Variants in POU6F2 observed in about 807,000 individuals in gnomAD.
POU6F2 encodes POU class 6 homeobox 2.
Under a neutral mutation model 71.3 loss-of-function variants are expected in POU6F2, and 31 were observed. The ratio of observed to expected loss-of-function variants is 0.43; its 90% CI spans 0.33 to 0.59. The LOEUF is 0.59. Ranked by LOEUF, POU6F2 falls within the 20% of genes least tolerant of loss-of-function variation. The pLI is 0.04. For missense variants in POU6F2, 783 were observed against 856.8 expected, an observed-to-expected ratio of 0.91 and a Z score of 1.07; for synonymous variants, 347 against 355.7, an observed-to-expected ratio of 0.98 and a Z score of 0.27.
intron 4 of POU6F2, among the ~76,000 whole-genome samples, chr7:39,321,603 A>G (rs540993067): frequency 1.3e-3 from 197 of 152,306 alleles, no homozygotes; most frequent in African/African-American, 4.0e-3. Flanking sequence ...AAATATTGAC[A>G]TATCACCTTG....
At chr7:39,311,757 T>C (rs73118076) in intron 4 of POU6F2, among the ~76,000 whole-genome samples, 19,053 of 151,976 alleles carry the variant, frequency 0.13, 1,283 homozygotes, top group South Asian at 0.2. Flanking sequence ...AAATGACAAG[T>C]TGTAAAATAA....
At chr7:38,993,952 T>C (rs1562658504) in intron 1 of POU6F2, among the ~76,000 whole-genome samples, 2 of 152,150 alleles carry the variant, frequency 1.3e-5, no homozygotes, top group Non-Finnish European at 2.9e-5. Context: ...TTATCTCTCC[T>C]AGAAGTGATT....
intron 1 of POU6F2, among the ~76,000 whole-genome samples, chr7:39,052,253 A>G (rs1452448383): frequency 1.3e-5 from 2 of 152,168 alleles, no homozygotes; most frequent in Non-Finnish European, 2.9e-5. Context: ...AAATATGAGA[A>G]AAACTTGGGC....
chr7:39,206,853 T>A (rs1016927276), intron 3 of POU6F2, among the ~76,000 whole-genome samples: 3 of 152,252 alleles, frequency 2.0e-5, no homozygotes, highest in African/African-American at 7.2e-5. Context: ...CTCTTGATAA[T>A]CTATTTCTAA....
chr7:38,985,028 T>C (rs1464692329), intron 1 of POU6F2: 4 of 151,966 alleles, frequency 2.6e-5, no homozygotes, highest in Non-Finnish European at 4.4e-5. Flanking sequence ...GAGTAAAAGG[T>C]AAATATTGTA....
At chr7:39,404,179 G>C (rs772557689) in intron 5 of POU6F2, among the ~76,000 whole-genome samples, 9 of 152,208 alleles carry the variant, frequency 5.9e-5, no homozygotes, top group Non-Finnish European at 1.0e-4. Context: ...ATCCAAAGCA[G>C]TTGAAATATA....
At chr7:39,127,000 A>G (rs969766339) in intron 2 of POU6F2, among the ~76,000 whole-genome samples, 15 of 152,264 alleles carry the variant, frequency 9.9e-5, no homozygotes, top group African/African-American at 3.6e-4. Flanking sequence ...ACATTAAAAA[A>G]ATAACTAAAG....
intron 2 of POU6F2, among the ~76,000 whole-genome samples, chr7:39,192,096 A>G (rs1793681607): frequency 6.6e-6 from 1 of 152,158 alleles, no homozygotes; most frequent in Admixed American, 6.5e-5. Flanking sequence ...TCTCTTCCTG[A>G]TCAATTTTGT....
At chr7:39,147,813 C>T (rs1792653543) in intron 2 of POU6F2, among the ~76,000 whole-genome samples, 1 of 152,110 alleles carries the variant, frequency 6.6e-6, no homozygotes, top group Non-Finnish European at 1.5e-5. Context: ...TGATTTGTGT[C>T]CTATACTTCA....
At chr7:38,996,512 T>A (rs1170475952) in intron 1 of POU6F2, among the ~76,000 whole-genome samples, 1 of 152,192 alleles carries the variant, frequency 6.6e-6, no homozygotes, top group African/African-American at 2.4e-5. Flanking sequence ...ACTCCAACTA[T>A]TATTTCTATC....
intron 1 of POU6F2, among the ~76,000 whole-genome samples, chr7:39,016,080 T>TTATATATAATATATAGATA (rs1251913469): frequency 2.9e-4 from 29 of 101,572 alleles, no homozygotes; most frequent in Middle Eastern, 6.3e-3. Context: ...TAGATATATA[T>TTATATATAATATATAGATA]TATATCTATA....
intron 5 of POU6F2, among the ~76,000 whole-genome samples, chr7:39,347,125 G>T (rs1253429823): frequency 6.6e-6 from 1 of 152,116 alleles, no homozygotes; most frequent in Non-Finnish European, 1.5e-5. Context: ...TAAATGCAAT[G>T]GCTTATGTGA....
intron 4 of POU6F2, among the ~76,000 whole-genome samples, chr7:39,338,020 CT>C (rs1785816808): frequency 6.6e-6 from 1 of 152,222 alleles, no homozygotes; most frequent in East Asian, 1.9e-4. Context: ...TAGATAAATG[CT>C]TTTCTAACCA....
At chr7:39,110,875 C>G (rs959824436) in intron 2 of POU6F2, among the ~76,000 whole-genome samples, 2 of 152,108 alleles carry the variant, frequency 1.3e-5, no homozygotes, top group East Asian at 3.8e-4. Context: ...CTTGCTAAAT[C>G]AGATAGCAAT....
At chr7:39,136,127 C>A (rs1525796) in intron 2 of POU6F2, among the ~76,000 whole-genome samples, 127,650 of 152,222 alleles carry the variant, frequency 0.84, 53,878 homozygotes, top group East Asian at 1. Context: ...TGCATTCTTG[C>A]ATGGGAGTAC....
chr7:39,230,276 C>T (rs1252694271), intron 4 of POU6F2, among the ~76,000 whole-genome samples: 4 of 151,936 alleles, frequency 2.6e-5, no homozygotes, highest in Non-Finnish European at 5.9e-5. Flanking sequence ...GGCCAGAGTC[C>T]AAGACCAACC....
intron 4 of POU6F2, among the ~76,000 whole-genome samples, chr7:39,249,374 G>A (rs1325582614): frequency 6.6e-6 from 1 of 152,148 alleles, no homozygotes; most frequent in Non-Finnish European, 1.5e-5. Flanking sequence ...CCTGGAATGT[G>A]TGCCCTTCCA....
At chr7:39,304,752 G>A (rs1163379792) in intron 4 of POU6F2, among the ~76,000 whole-genome samples, 1 of 152,124 alleles carries the variant, frequency 6.6e-6, no homozygotes, top group Admixed American at 6.5e-5. Context: ...AAATTTTTTG[G>A]TATCTTGCAG....
intron 4 of POU6F2, among the ~76,000 whole-genome samples, chr7:39,326,241 C>G (rs1785500536): frequency 6.6e-6 from 1 of 152,180 alleles, no homozygotes; most frequent in Non-Finnish European, 1.5e-5. Flanking sequence ...CAGTGAATCT[C>G]AGACTTCTAG....
Sources: gnomAD v4.1 joint callset for allele counts (sites outside exome capture counted in the v4.1 genomes callset) on GRCh38, gnomAD v4.1.1 for gene constraint, MANE v1.5 for transcripts, NCBI Gene and HGNC (gene_info 2026-07-23, HGNC 2026-07-21) for gene names.